DNASE1L1: variants seen among roughly 807,000 people sequenced by gnomAD.
The protein encoded by DNASE1L1 is deoxyribonuclease-1-like 1.
In DNASE1L1, 8 loss-of-function variants were observed where a neutral mutation model predicts 18.6. The observed-to-expected ratio is 0.43, with a 90% CI of 0.25 to 0.78. DNASE1L1 has a LOEUF of 0.78. Ranked by LOEUF, DNASE1L1 falls within the 30% of genes least tolerant of loss-of-function variation. The pLI, the probability that DNASE1L1 is intolerant of heterozygous loss-of-function variation, is 0.23. For missense variants in DNASE1L1, 214 were observed against 258.2 expected (o/e 0.83, Z 1.17); for synonymous variants, 114 against 114.2 (o/e 1.00, Z 0.01).
rs782353959 is a variant in DNASE1L1, at chrX:154,404,881, G to A, written c.258C>T (p.Ser86=). The A allele has an allele frequency of 5.0e-6, 6 of 1,211,747 alleles. No homozygotes were observed. Among genetic ancestry groups the A allele is most frequent in the South Asian group, 1.8e-5 (1 of 56,993 alleles). ...FDGSGPYSTL[S]SPQLGRSTYM... is the part of the protein sequence containing the mutation. ...AGGTGCTGCGCCCCAGCTGGGGGCTGCTCAGGGTGCTGTAGGGCCCAGAGC... is the reference window on the plus strand; with the variant it reads ...AGGTGCTGCGCCCCAGCTGGGGGCTACTCAGGGTGCTGTAGGGCCCAGAGC... Residue 86 remains serine (S), a synonymous_variant, in exon 4 of 8, where the codon AGC becomes AGT. Transcript: ENST00000369807.
At chrX:154,404,737 G>C in intron 4 of DNASE1L1, 91 bp downstream of exon 4, 24 of 869,147 alleles carry the variant, frequency 2.8e-5, no homozygotes, top group Non-Finnish European at 3.8e-5. Context: ...CCCAGGATGG[G>C]GGGCCTGTGG....
chrX:154,407,365 G>A lies in DNASE1L1; in HGVS notation c.-87-1710C>T, dbSNP rs782541362. 4.9e-5 allele frequency among the ~76,000 whole-genome samples: 5 copies of A among 102,475 alleles called. No homozygotes were observed. The East Asian group carries it at 1.6e-3, about 32-fold the overall frequency. The allele number at this position is 102,475 out of a possible 115,157, so 89.0% of individuals were successfully genotyped here. A position where few individuals can be genotyped will look rare whatever the true frequency, so the allele number is the denominator to read the frequency against. On this transcript the variant is annotated intron_variant, in intron 1 of 7. Transcript: ENST00000369807. The stretch of plus-strand genomic sequence containing the variant: ...GCAACTCCCTGCCTCAGCCTCCCGA[G>A]TAGCTGGGATTACAGGCACCCACCA...
Position 154,402,488 on chromosome X carries a change from C to G in DNASE1L1, c.*219G>C, listed in dbSNP as rs1180731739. 9 of 382,968 alleles carry G rather than the reference C, an allele frequency of 2.4e-5. 1 individual carries two copies. Among genetic ancestry groups the G allele is most frequent in the African/African-American group, 1.0e-4 (4 of 39,643 alleles). 31.6% of individuals were successfully genotyped at this position (382,968 alleles called of 1,213,427 possible). A position where few individuals can be genotyped will look rare whatever the true frequency, so the allele number is the denominator to read the frequency against. On this transcript the variant is annotated 3_prime_UTR_variant, in exon 8 of 8. Coordinates refer to ENST00000369807, the MANE Select transcript of DNASE1L1 (RefSeq NM_001303620.2). ...TGTCTCCACTCCTGATACTACACTA[C>G]CTGGCAGGTGGCATGAGTGCAGGGC...
rs1181529985 is a variant in DNASE1L1, at chrX:154,402,524, C to T, written c.*183G>A. 5 of 471,338 alleles carry T rather than the reference C, an allele frequency of 1.1e-5. No homozygotes were observed. The highest frequency in any genetic ancestry group is 1.7e-5 in the Non-Finnish European group (5 of 287,150). The allele number at this position is 471,338 out of a possible 1,213,427, so 38.8% of individuals were successfully genotyped here. A position where few individuals can be genotyped will look rare whatever the true frequency, so the allele number is the denominator to read the frequency against. On this transcript the variant is annotated 3_prime_UTR_variant, in exon 8 of 8. Transcript: ENST00000369807. ...GCATGAGTGCAGGGCCCCTGGCTTC[C>T]TCTCCTAATCTAGGCACAAGCCCAA...
chrX:154,404,935 G>T, intron 3 of DNASE1L1, 21 bp from the exon 4 acceptor site: 5 of 1,206,968 alleles, frequency 4.1e-6, no homozygotes, highest in Non-Finnish European at 4.5e-6. Flanking sequence ...AAGGGGAGGC[G>T]GGGTCAGGGC....
At position 154,404,827 on chromosome X, in the gene DNASE1L1, C is replaced by A; in HGVS notation, c.311+1G>T. 8.3e-7 allele frequency: 1 copy of A among 1,210,152 alleles called. No individual in the cohort carries two copies. Among genetic ancestry groups the A allele is most frequent in the Non-Finnish European group, 1.1e-6 (1 of 894,727 alleles). On this transcript the variant is annotated splice_donor_variant, in intron 4 of 7. Transcript: ENST00000369807. LOFTEE classifies it high-confidence loss of function. ...TGCTGCGCTGCCAGCTCCGTGCTCA[C>A]CGATAGAAGTACACATACGTCTCCA...
At chrX:154,411,684 C>A (rs1189221933), upstream of DNASE1L1, 2 of 528,451 alleles carry the variant, frequency 3.8e-6, no homozygotes, top group Non-Finnish European at 6.4e-6. Context: ...GCCTGACCTG[C>A]GAAGGGACCT....
At chrX:154,403,423 CCTT>C (rs1485285106) in intron 5 of DNASE1L1, 42 bp from the exon 6 acceptor site, 1 of 1,198,867 alleles carries the variant, frequency 8.3e-7, no homozygotes, top group African/African-American at 1.8e-5. Context: ...CACTCCTGGA[CCTT>C]CTCCCCCTAG....
At chrX:154,410,971 G>A (rs1425883227), upstream of DNASE1L1, among the ~76,000 whole-genome samples, 2 of 112,268 alleles carry the variant, frequency 1.8e-5, no homozygotes, top group Non-Finnish European at 3.8e-5. Context: ...ATATGTTTCA[G>A]AACTAGAGGT....
At chrX:154,403,466 G>C in intron 5 of DNASE1L1, 56 bp downstream of exon 5, 7 of 1,195,103 alleles carry the variant, frequency 5.9e-6, no homozygotes, top group East Asian at 3.0e-5. Flanking sequence ...CCCCAGTGGA[G>C]CCAGCCAGAA....
At chrX:154,410,134 G>A (rs1465858484), upstream of DNASE1L1, 6 of 110,956 alleles carry the variant, frequency 5.4e-5, no homozygotes, top group Non-Finnish European at 9.5e-5. Flanking sequence ...AGCTACTCAG[G>A]AGGCTGAGGC....
In DNASE1L1 at chrX:154,402,979, A is replaced by G; in HGVS notation, c.737T>C (p.Phe246Ser). The stretch of plus-strand genomic sequence containing the variant: ...GAGCTGGAAGCTCGTGGGGAAGTCA[A>G]AGGCAGCCGCAGTGTGCAGCAGACT... The part of the protein sequence containing the change: ...CRSLLHTAAA[F>S]DFPTSFQLTE... Residue 246 changes from phenylalanine (F) to serine (S), a missense_variant, in exon 7 of 8, where the codon TTT becomes TCT. Coordinates refer to ENST00000369807, the MANE Select transcript of DNASE1L1 (RefSeq NM_001303620.2). 1 of 1,210,818 alleles carries G rather than the reference A, an allele frequency of 8.3e-7. No homozygotes were observed. Among genetic ancestry groups the G allele is most frequent in the Non-Finnish European group, 1.1e-6 (1 of 895,408 alleles).
chrX:154,406,572 T>C (rs1242046536), intron 1 of DNASE1L1, among the ~76,000 whole-genome samples: 1 of 108,703 alleles, frequency 9.2e-6, no homozygotes, highest in Non-Finnish European at 1.9e-5. Flanking sequence ...TTTCTTCATG[T>C]TGGTCAGGCT....
upstream of DNASE1L1, among the ~76,000 whole-genome samples, chrX:154,410,221 G>T (rs1441953419): frequency 9.2e-6 from 1 of 108,847 alleles, no homozygotes; most frequent in Non-Finnish European, 1.9e-5. Context: ...CTCCAGCCCG[G>T]GCGACAGTGC....
chrX:154,406,375 T>G (rs1390362307), intron 1 of DNASE1L1, among the ~76,000 whole-genome samples: 5 of 104,034 alleles, frequency 4.8e-5, no homozygotes, highest in Non-Finnish European at 9.9e-5. Context: ...CTGGTTTTTT[T>G]TTTTTTTTTT....
At chrX:154,411,371 A>G (rs2148180387), upstream of DNASE1L1, 1 of 187,804 alleles carries the variant, frequency 5.3e-6, no homozygotes, top group South Asian at 5.6e-5. Flanking sequence ...TGTCAAACAA[A>G]AAACAGAAAC....
Position 154,402,061 on chromosome X carries a change from T to C in DNASE1L1, c.*646A>G. 1.8e-5 allele frequency: 2 copies of C among 112,545 alleles called. No homozygotes were observed. The highest frequency in any genetic ancestry group is 9.2e-3 in the Middle Eastern group (2 of 218). 9.3% of individuals were successfully genotyped at this position (112,545 alleles called of 1,213,427 possible). A position where few individuals can be genotyped will look rare whatever the true frequency, so the allele number is the denominator to read the frequency against. On this transcript the variant is annotated 3_prime_UTR_variant, in exon 8 of 8. Coordinates refer to ENST00000369807, the MANE Select transcript of DNASE1L1 (RefSeq NM_001303620.2). ...GATTTTCTGTGTGGAGATGTTGCCT[T>C]GACCAGCCTTGGCTGGACTTTACCA...
chrX:154,409,477 T>TC (rs1235597996), upstream of DNASE1L1: 2 of 125,862 alleles, frequency 1.6e-5, no homozygotes, highest in African/African-American at 6.3e-5. Context: ...ACCCCGAGCT[T>TC]CGCTCGCCAG....
chrX:154,401,310 C>T lies in DNASE1L1; in HGVS notation c.*1397G>A, dbSNP rs41311384. On this transcript the variant is annotated 3_prime_UTR_variant, in exon 8 of 8. Transcript: ENST00000369807. ...GCATCACATTGGGCTTGTTCTCACC[C>T]ATCTGGTTTGGCCATTCCTCCTTGG... The T allele has an allele frequency of 8.5e-4, 170 of 199,233 alleles. No individual in the cohort carries two copies. The highest frequency in any genetic ancestry group is 1.4e-3 in the Non-Finnish European group (154 of 107,344). 16.4% of individuals were successfully genotyped at this position (199,233 alleles called of 1,213,427 possible).
Sources: allele counts gnomAD v4.1 joint callset (sites outside exome capture counted in the v4.1 genomes callset), GRCh38; gene constraint gnomAD v4.1.1; transcripts MANE v1.5; gene names NCBI Gene and HGNC (gene_info 2026-07-23, HGNC 2026-07-21).